USP53: variants seen among roughly 807,000 people sequenced by gnomAD.
The protein encoded by USP53 is ubiquitin specific peptidase 53.
Under a neutral mutation model 94.9 loss-of-function variants are expected in USP53, and 71 were observed. The ratio of observed to expected loss-of-function variants is 0.75; its 90% CI spans 0.62 to 0.91. The LOEUF (loss-of-function observed/expected upper bound fraction) is 0.91. Ranked by LOEUF, USP53 falls within the 40% of genes least tolerant of loss-of-function variation. The pLI is 0.00. For missense variants in USP53, 1,173 were observed against 1,281.0 expected (o/e 0.92, Z 1.29); for synonymous variants, 375 against 422.7 (o/e 0.89, Z 1.39).
At position 119,271,354 on chromosome 4, in the gene USP53, T is replaced by C; in HGVS notation, c.1494T>C (p.Gly498=). 1 of 1,605,984 alleles carries C rather than the reference T, an allele frequency of 6.2e-7. No individual in the cohort carries two copies. The highest frequency in any genetic ancestry group is 2.2e-5 in the East Asian group (1 of 44,830). ...FQSGSPPAPN[G]FKQHGNPHLY... The stretch of plus-strand genomic sequence containing the variant: ...CTGGATCACCTCCTGCCCCAAATGG[T>C]TTTAAACAACATGGGAATCCACATC... The change falls in exon 16 of 19, where the codon GGT becomes GGC. Residue 498 remains glycine, a synonymous_variant. Transcript: ENST00000692078.
intron 3 of USP53, among the ~76,000 whole-genome samples, chr4:119,223,352 C>T (rs1260549990): frequency 6.6e-6 from 1 of 152,098 alleles, no homozygotes; most frequent in African/African-American, 2.4e-5. Context: ...ACAGACGAAT[C>T]GTTAGCCAGA....
rs1578517158 is a variant in USP53 at position 119,266,792 on chromosome 4, A to AT, written c.973-523dup. On this transcript the variant is annotated intron_variant, in intron 12 of 18. Coordinates refer to ENST00000692078, the MANE Select transcript of USP53 (RefSeq NM_001371395.1). Reference sequence around the variant, plus strand: ...TTTAGATTAAGTCCATTTTAAAAATATTTTTCTTCTATGGTTTGGTATGCT... The same window carrying AT: ...TTTAGATTAAGTCCATTTTAAAAATATTTTTTCTTCTATGGTTTGGTATGCT... 2.0e-5 allele frequency among the ~76,000 whole-genome samples: 3 copies of AT among 151,816 alleles called. No individual in the cohort carries two copies. The East Asian group carries it at 5.8e-4, about 29-fold the overall frequency.
At position 119,268,018 on chromosome 4, in the gene USP53, T is replaced by C. The variant is rs540136469; in HGVS notation, c.1136-250T>C. The stretch of plus-strand genomic sequence containing the variant: ...CCGTCTCTACTAAAAATACAAAAAA[T>C]TGGCCGGGCGCGGTGGCGGGCGCCT... On this transcript the variant is annotated intron_variant, in intron 13 of 18. Transcript: ENST00000692078. Among the ~76,000 whole-genome samples, 607 of 151,970 alleles carry C rather than the reference T, an allele frequency of 4.0e-3. 5 individuals carry two copies. Among genetic ancestry groups the C allele is most frequent in the Middle Eastern group, 0.014 (4 of 294 alleles).
At chr4:119,236,483 T>C (rs1472685981) in intron 4 of USP53, among the ~76,000 whole-genome samples, 1 of 152,206 alleles carries the variant, frequency 6.6e-6, no homozygotes, top group Admixed American at 6.5e-5. Flanking sequence ...CTGTAGCATG[T>C]GACACTGTTT....
At chr4:119,284,549 G>A (rs934332096) in intron 17 of USP53, among the ~76,000 whole-genome samples, 1 of 151,746 alleles carries the variant, frequency 6.6e-6, no homozygotes, top group Non-Finnish European at 1.5e-5. Context: ...GATTTCACAT[G>A]CCTTAAATTA....
intron 17 of USP53, among the ~76,000 whole-genome samples, chr4:119,282,338 T>C (rs763105502): frequency 1.3e-5 from 2 of 152,054 alleles, no homozygotes; most frequent in Non-Finnish European, 2.9e-5. Context: ...TACCCAAAAG[T>C]GCAGTTGCTG....
chr4:119,225,017 A>G (rs1745047942), intron 3 of USP53, among the ~76,000 whole-genome samples: 1 of 152,184 alleles, frequency 6.6e-6, no homozygotes. Context: ...TGAAAAGCTG[A>G]TTCTTTGAAA....
At position 119,243,327 on chromosome 4, in the gene USP53, G is replaced by A. The variant is rs140840805; in HGVS notation, c.145-2010G>A. ...AGCTTAGCGAACATGGTGAAACCCC[G>A]TCTCTACCAAAAATAAAAAAATTAG... On this transcript the variant is annotated intron_variant, in intron 5 of 18. Transcript: ENST00000692078. Among the ~76,000 whole-genome samples, 424 of 151,988 alleles carry A rather than the reference G, an allele frequency of 2.8e-3. 3 individuals carry two copies. Among genetic ancestry groups the A allele is most frequent in the African/African-American group, 8.7e-3 (359 of 41,472 alleles).
At chr4:119,272,173 T>C in intron 16 of USP53, 139 bp downstream of exon 16, 2 of 836,962 alleles carry the variant, frequency 2.4e-6, no homozygotes, top group East Asian at 2.7e-5. Flanking sequence ...AAAAGTTTGT[T>C]TCTTTTAAAC....
chr4:119,234,810 A>G (rs1332027012), intron 3 of USP53, among the ~76,000 whole-genome samples: 1 of 152,212 alleles, frequency 6.6e-6, no homozygotes, highest in East Asian at 1.9e-4. Flanking sequence ...TCCAGGACCT[A>G]CAACAGATAC....
chr4:119,275,844 T>C (rs1222419434), intron 17 of USP53, among the ~76,000 whole-genome samples: 1 of 152,048 alleles, frequency 6.6e-6, no homozygotes, highest in Non-Finnish European at 1.5e-5. Context: ...CTAGGTATTT[T>C]ATTCTCTTTG....
At chr4:119,288,458 A>G (rs550669630) in intron 17 of USP53, among the ~76,000 whole-genome samples, 1 of 152,324 alleles carries the variant, frequency 6.6e-6, no homozygotes, top group East Asian at 1.9e-4. Context: ...TTTCCTAAAA[A>G]TTGTGGATAT....
intron 3 of USP53, among the ~76,000 whole-genome samples, chr4:119,233,535 C>A (rs144391434): frequency 6.6e-6 from 1 of 151,994 alleles, no homozygotes; most frequent in African/African-American, 2.4e-5. Flanking sequence ...ATATTTTCTA[C>A]TTCCTTATTC....
intron 3 of USP53, among the ~76,000 whole-genome samples, chr4:119,231,142 G>A (rs1338033906): frequency 1.3e-5 from 2 of 152,168 alleles, no homozygotes; most frequent in Non-Finnish European, 2.9e-5. Context: ...ACTGTCAGGG[G>A]TAACTGAGTA....
At chr4:119,262,168 G>T (rs535448491) in intron 12 of USP53, among the ~76,000 whole-genome samples, 1 of 152,024 alleles carries the variant, frequency 6.6e-6, no homozygotes, top group African/African-American at 2.4e-5. Flanking sequence ...TTTGCCTGAC[G>T]CATACTTGCT....
intron 17 of USP53, among the ~76,000 whole-genome samples, chr4:119,286,942 C>T (rs558310184): frequency 2.0e-5 from 3 of 151,908 alleles, no homozygotes; most frequent in Admixed American, 2.0e-4. Flanking sequence ...TAATATATTC[C>T]TTCTAGAGAG....
intron 5 of USP53, among the ~76,000 whole-genome samples, chr4:119,241,255 T>C (rs371001258): frequency 6.6e-6 from 1 of 152,202 alleles, no homozygotes; most frequent in East Asian, 1.9e-4. Flanking sequence ...TTTTTAAGAA[T>C]GAACATTCTG....
chr4:119,250,883 A>G (rs1748887367), intron 7 of USP53, among the ~76,000 whole-genome samples: 1 of 148,946 alleles, frequency 6.7e-6, no homozygotes, highest in African/African-American at 2.5e-5. Flanking sequence ...ATTTATACAG[A>G]CTACCTAGAT....
rs1376598406 is a variant in USP53 at position 119,227,256 on chromosome 4, T to TATACACACACACACACAC, written c.-664-8033_-664-8032insTACACACACACACACACA. Among the ~76,000 whole-genome samples, 956 of 125,098 alleles carry TATACACACACACACACAC rather than the reference T, an allele frequency of 7.6e-3. 10 individuals are homozygous for TATACACACACACACACAC. Among genetic ancestry groups the TATACACACACACACACAC allele is most frequent in the Non-Finnish European group, 0.011 (648 of 60,744 alleles). 82.1% of individuals were successfully genotyped at this position (125,098 alleles called of 152,430 possible). A position where few individuals can be genotyped will look rare whatever the true frequency, so the allele number is the denominator to read the frequency against. On this transcript the variant is annotated intron_variant, in intron 3 of 18. Transcript: ENST00000692078. ...ATTAATCCAAAGCCTTGTCTAACAC[T>TATACACACACACACACAC]ACACACACACACACACACACACACA...
Sources: gnomAD v4.1 joint callset for allele counts (sites outside exome capture counted in the v4.1 genomes callset) on GRCh38, gnomAD v4.1.1 for gene constraint, MANE v1.5 for transcripts, NCBI Gene and HGNC (gene_info 2026-07-23, HGNC 2026-07-21) for gene names.